The following POLR3B variants were observed in gnomAD, a reference collection of about 807,000 sequenced individuals.
The protein encoded by POLR3B is DNA-directed RNA polymerase III subunit RPC2.
POLR3B carries 96 observed loss-of-function variants against 147.4 expected under a neutral mutation model. The ratio of observed to expected loss-of-function variants is 0.65; its 90% confidence interval spans 0.55 to 0.77. The LOEUF (loss-of-function observed/expected upper bound fraction) is 0.77, where lower values mean the gene tolerates loss of function less well. POLR3B is among the 30% of genes least tolerant of loss of function. POLR3B has a pLI of 0.00. For synonymous variants in POLR3B, 461 were observed against 485.9 expected, an observed-to-expected ratio of 0.95 and a Z score of 0.67; for missense variants, 1,036 against 1,413.5, an observed-to-expected ratio of 0.73 and a Z score of 4.28.
chr12:106,467,008 T>C (rs2038015568), intron 23 of POLR3B, among the ~76,000 whole-genome samples: 1 of 152,214 alleles, frequency 6.6e-6, no homozygotes, highest in African/African-American at 2.4e-5. Flanking sequence ...GGTAGCTTGA[T>C]GGGGATAGCA....
At chr12:106,434,059 A>G (rs1352290653) in intron 16 of POLR3B, among the ~76,000 whole-genome samples, 187 bp downstream of exon 16, 1 of 152,210 alleles carries the variant, frequency 6.6e-6, no homozygotes, top group Non-Finnish European at 1.5e-5. Flanking sequence ...AATGGGAGAC[A>G]GAGTCTGCCC....
chr12:106,359,126 G>A (rs992995618), intron 1 of POLR3B, among the ~76,000 whole-genome samples: 1 of 152,106 alleles, frequency 6.6e-6, no homozygotes. Context: ...GAGGTGGAAG[G>A]ATCACTTGAG....
intron 23 of POLR3B, among the ~76,000 whole-genome samples, chr12:106,483,567 C>G (rs2038298112): frequency 6.6e-6 from 1 of 152,190 alleles, no homozygotes; most frequent in African/African-American, 2.4e-5. Context: ...GGAATAGAAT[C>G]TTAGAGTTTG....
intron 25 of POLR3B, among the ~76,000 whole-genome samples, chr12:106,499,057 T>G (rs1291381943): frequency 2.0e-5 from 3 of 152,232 alleles, no homozygotes; most frequent in Non-Finnish European, 4.4e-5. Flanking sequence ...TATAATAATA[T>G]GGATTTCTTA....
At chr12:106,392,493 A>G (rs2036926446) in intron 9 of POLR3B, among the ~76,000 whole-genome samples, 1 of 152,140 alleles carries the variant, frequency 6.6e-6, no homozygotes, top group Admixed American at 6.5e-5. Context: ...GTCTCCTTTG[A>G]AACCTGCATG....
At chr12:106,365,006 G>C (rs372549703) in intron 2 of POLR3B, among the ~76,000 whole-genome samples, 38 of 152,206 alleles carry the variant, frequency 2.5e-4, no homozygotes, top group South Asian at 2.1e-3. Flanking sequence ...GTGGTGGCGG[G>C]CCCCTGTAAT....
chr12:106,431,964 A>G (rs1387121536), intron 14 of POLR3B, among the ~76,000 whole-genome samples: 23 of 152,272 alleles, frequency 1.5e-4, no homozygotes, highest in Admixed American at 1.4e-3. Context: ...TACTTATTTT[A>G]TACAATGTCA....
chr12:106,417,734 G>A (rs2037324012), intron 12 of POLR3B, among the ~76,000 whole-genome samples: 1 of 152,102 alleles, frequency 6.6e-6, no homozygotes, highest in Non-Finnish European at 1.5e-5. Context: ...GCCACCTTCA[G>A]ATTGACCATT....
chr12:106,379,339 G>C (rs2036728416), intron 8 of POLR3B, among the ~76,000 whole-genome samples: 1 of 152,182 alleles, frequency 6.6e-6, no homozygotes, highest in African/African-American at 2.4e-5. Flanking sequence ...TAGTTATGAG[G>C]CACTGGAATG....
At chr12:106,384,805 T>A (rs1182866330) in intron 9 of POLR3B, among the ~76,000 whole-genome samples, 2 of 151,986 alleles carry the variant, frequency 1.3e-5, no homozygotes, top group South Asian at 2.1e-4. Flanking sequence ...ACTTCAAAGT[T>A]AACTAATCGA....
intron 19 of POLR3B, among the ~76,000 whole-genome samples, chr12:106,453,473 G>C (rs1373349288): frequency 6.6e-6 from 1 of 152,006 alleles, no homozygotes; most frequent in Admixed American, 6.6e-5. Flanking sequence ...TGTGTGTGTG[G>C]TGTGTATGTG....
chr12:106,498,639 T>C (rs2038541140), intron 25 of POLR3B, among the ~76,000 whole-genome samples: 1 of 149,330 alleles, frequency 6.7e-6, no homozygotes, highest in Admixed American at 6.8e-5. Context: ...TGGAATGCAA[T>C]GGCGCTGTCT....
intron 23 of POLR3B, among the ~76,000 whole-genome samples, chr12:106,482,294 C>A (rs571226879): frequency 6.6e-6 from 1 of 152,024 alleles, no homozygotes; most frequent in Non-Finnish European, 1.5e-5. Context: ...ATCCAGAATA[C>A]CTTGTTGGCT....
At chr12:106,469,469 T>A (rs1426022904) in intron 23 of POLR3B, among the ~76,000 whole-genome samples, 1 of 152,224 alleles carries the variant, frequency 6.6e-6, no homozygotes, top group Admixed American at 6.5e-5. Flanking sequence ...AATATTGTTA[T>A]GTGTGAATTT....
In POLR3B at chr12:106,432,311, T is replaced by G. The variant is rs1428937020; in HGVS notation, c.1465-7T>G. On this transcript the variant is annotated splice_region_variant and splice_polypyrimidine_tract_variant and intron_variant, in intron 14 of 27. Transcript: ENST00000228347. ...ATTCTTAGAAATGACCATCTTTTGT[T>G]TTTTAGGCATGTGGTTTGGTTAAAA... is the stretch of plus-strand genomic sequence containing the variant. The G allele has an allele frequency of 6.2e-7, 1 of 1,613,120 alleles. No individual in the cohort carries two copies. The highest frequency in any genetic ancestry group is 1.1e-5 in the South Asian group (1 of 91,052).
chr12:106,477,263 CT>C (rs1555216646), intron 23 of POLR3B, among the ~76,000 whole-genome samples: 1 of 102,058 alleles, frequency 9.8e-6, no homozygotes, highest in Non-Finnish European at 1.9e-5. Flanking sequence ...AACCACTGCT[CT>C]CTTCAAAGCT....
At chr12:106,422,300 G>A (rs1322544095) in intron 12 of POLR3B, among the ~76,000 whole-genome samples, 3 of 152,030 alleles carry the variant, frequency 2.0e-5, no homozygotes, top group Non-Finnish European at 2.9e-5. Context: ...TCCTGCTCTG[G>A]CCATATAAGA....
intron 23 of POLR3B, among the ~76,000 whole-genome samples, chr12:106,478,744 T>A (rs2137055163): frequency 6.6e-6 from 1 of 152,238 alleles, no homozygotes; most frequent in African/African-American, 2.4e-5. Flanking sequence ...TATTATTAAA[T>A]AATAAATGCA....
chr12:106,430,169 C>T (rs897296725), intron 13 of POLR3B, 104 bp from the exon 14 acceptor site: 12 of 830,846 alleles, frequency 1.4e-5, no homozygotes, highest in Middle Eastern at 3.3e-4. Context: ...GTTCTAATTT[C>T]GTAAGCATGA....
Sources: allele counts gnomAD v4.1 joint callset (sites outside exome capture counted in the v4.1 genomes callset), GRCh38; gene constraint gnomAD v4.1.1; transcripts MANE v1.5; gene names NCBI Gene and HGNC (gene_info 2026-07-23, HGNC 2026-07-21).